The following RBFOX2 variants were observed in gnomAD, a reference collection of about 807,000 sequenced individuals.
The protein encoded by RBFOX2 is RNA binding fox-1 homolog 2.
Under a neutral mutation model 49.1 loss-of-function variants are expected in RBFOX2, and 10 were observed. The observed-to-expected ratio is 0.20, with a 90% CI of 0.13 to 0.35. The LOEUF is 0.35. Among genes scored for constraint, RBFOX2 ranks in the 10% least tolerant of loss-of-function variants. The pLI is 1.00. For synonymous variants in RBFOX2, 183 were observed against 187.4 expected, an observed-to-expected ratio of 0.98 and a Z score of 0.19; for missense variants, 323 against 486.9, an observed-to-expected ratio of 0.66 and a Z score of 3.17.
intron 1 of RBFOX2, among the ~76,000 whole-genome samples, chr22:35,982,936 C>T (rs1227438935): frequency 6.6e-6 from 1 of 152,058 alleles, no homozygotes; most frequent in African/African-American, 2.4e-5. Flanking sequence ...TTTCAGGACT[C>T]CTCTTTCTTT....
At chr22:35,783,874 CA>C (rs1945788838) in intron 2 of RBFOX2, among the ~76,000 whole-genome samples, 1 of 152,220 alleles carries the variant, frequency 6.6e-6, no homozygotes, top group African/African-American at 2.4e-5. Context: ...AAGGCACTAT[CA>C]ACTCACACCA....
intron 1 of RBFOX2, among the ~76,000 whole-genome samples, chr22:35,818,436 A>G (rs1360841476): frequency 6.6e-6 from 1 of 152,160 alleles, no homozygotes; most frequent in African/African-American, 2.4e-5. Flanking sequence ...TTAATTTATT[A>G]TTTTGTCATC....
chr22:35,748,634 T>C (rs1280323801), intron 9 of RBFOX2: 4 of 152,234 alleles, frequency 2.6e-5, no homozygotes, highest in Non-Finnish European at 5.9e-5. Context: ...CAGGGCTATT[T>C]AGTAAAACTT....
intron 1 of RBFOX2, among the ~76,000 whole-genome samples, chr22:35,925,084 C>T (rs527332816): frequency 7.0e-4 from 106 of 151,912 alleles, no homozygotes; most frequent in Admixed American, 2.4e-3. Context: ...CTCAGCTACT[C>T]GGGAGGCTGA....
At chr22:35,924,278 C>G (rs2051362616) in intron 1 of RBFOX2, among the ~76,000 whole-genome samples, 1 of 152,166 alleles carries the variant, frequency 6.6e-6, no homozygotes, top group Non-Finnish European at 1.5e-5. Flanking sequence ...AATTAAAGAG[C>G]TAAAAGTATC....
intron 1 of RBFOX2, among the ~76,000 whole-genome samples, chr22:35,825,389 A>G (rs1955439334): frequency 6.6e-6 from 1 of 152,048 alleles, no homozygotes; most frequent in African/African-American, 2.4e-5. Context: ...AAAGTTAACT[A>G]AATGTCTTCA....
intron 1 of RBFOX2, among the ~76,000 whole-genome samples, chr22:35,878,316 T>G (rs2045428727): frequency 6.6e-6 from 1 of 152,248 alleles, no homozygotes; most frequent in African/African-American, 2.4e-5. Context: ...GAGAATCACT[T>G]GAACCCAGGA....
chr22:35,979,593 T>C (rs2057360819), intron 1 of RBFOX2, among the ~76,000 whole-genome samples: 1 of 152,162 alleles, frequency 6.6e-6, no homozygotes, highest in African/African-American at 2.4e-5. Flanking sequence ...ATGAAGCAGA[T>C]GCAGTGAAAT....
intron 1 of RBFOX2, among the ~76,000 whole-genome samples, chr22:35,970,494 A>ACACAC (rs555538617): frequency 6.6e-6 from 1 of 150,968 alleles, no homozygotes. Context: ...AAAAAAAAAA[A>ACACAC]ACACACACAC....
chr22:35,970,541 G>C (rs1042461067), intron 1 of RBFOX2, among the ~76,000 whole-genome samples: 2 of 151,712 alleles, frequency 1.3e-5, no homozygotes, highest in African/African-American at 2.4e-5. Flanking sequence ...TGTACCTGTA[G>C]TCCCAGCTAC....
chr22:35,852,433 T>C (rs533404909), intron 1 of RBFOX2, among the ~76,000 whole-genome samples: 259 of 151,560 alleles, frequency 1.7e-3, no homozygotes, highest in South Asian at 6.7e-3. Context: ...GGGAGGATCA[T>C]TTGGGCCAGG....
intron 4 of RBFOX2, among the ~76,000 whole-genome samples, chr22:35,773,060 A>C (rs1468844632): frequency 1.3e-5 from 2 of 151,130 alleles, no homozygotes; most frequent in Non-Finnish European, 3.0e-5. Context: ...AAAAAAAAAA[A>C]CAAACTAAGC....
At chr22:35,792,459 A>G (rs946747888) in intron 2 of RBFOX2, among the ~76,000 whole-genome samples, 1 of 152,182 alleles carries the variant, frequency 6.6e-6, no homozygotes, top group African/African-American at 2.4e-5. Flanking sequence ...AACATTATTA[A>G]CTTTTTATAT....
intron 1 of RBFOX2, among the ~76,000 whole-genome samples, chr22:35,874,851 C>A (rs935637876): frequency 5.3e-5 from 8 of 152,208 alleles, no homozygotes; most frequent in Admixed American, 5.2e-4. Context: ...GAGGCCCTAA[C>A]TCACCTCTTT....
intron 1 of RBFOX2, chr22:36,000,012 T>TC (rs1453912837): frequency 6.8e-6 from 1 of 148,052 alleles, no homozygotes; most frequent in Admixed American, 6.7e-5. Flanking sequence ...TATATTTTTT[T>TC]TTTTTGAGAT....
Position 35,765,351 on chromosome 22 carries a change from T to G in RBFOX2, c.607+72A>C, listed in dbSNP as rs1940595029. On this transcript the variant is annotated intron_variant, in intron 6 of 11. Coordinates refer to ENST00000405409, the Ensembl canonical transcript of RBFOX2. ...TGTCTTAAGACGGAAATAAAGACAT[T>G]CTTAGAAGTTTATAAAAACTTCATA... 3 of 1,093,496 alleles carry G rather than the reference T, an allele frequency of 2.7e-6. No individual in the cohort carries two copies. The Admixed American group carries it at 7.1e-5, about 26-fold the overall frequency. 67.7% of individuals were successfully genotyped at this position (1,093,496 alleles called of 1,614,324 possible). A position where few individuals can be genotyped will look rare whatever the true frequency, so the allele number is the denominator to read the frequency against.
At chr22:35,837,196 C>T (rs1055695775) in intron 1 of RBFOX2, among the ~76,000 whole-genome samples, 3 of 152,106 alleles carry the variant, frequency 2.0e-5, no homozygotes, top group Non-Finnish European at 4.4e-5. Context: ...AAAGCGCATA[C>T]ACTGTGCAAA....
At chr22:35,973,465 G>A (rs1416474985) in intron 1 of RBFOX2, among the ~76,000 whole-genome samples, 1 of 152,156 alleles carries the variant, frequency 6.6e-6, no homozygotes, top group Non-Finnish European at 1.5e-5. Flanking sequence ...CAATAGGAGC[G>A]CCACCTTTAT....
intron 1 of RBFOX2, among the ~76,000 whole-genome samples, chr22:35,845,940 T>C (rs997735377): frequency 6.6e-6 from 1 of 151,928 alleles, no homozygotes; most frequent in Admixed American, 6.6e-5. Flanking sequence ...CAAAAAACAG[T>C]TGGTACACAA....
Sources: allele counts gnomAD v4.1 joint callset (sites outside exome capture counted in the v4.1 genomes callset), GRCh38; gene constraint gnomAD v4.1.1; transcripts MANE v1.5; gene names NCBI Gene and HGNC (gene_info 2026-07-23, HGNC 2026-07-21).